The following ADGB variants were observed in gnomAD, a reference collection of about 807,000 sequenced individuals.
ADGB encodes the protein androglobin.
In ADGB, 172 loss-of-function variants were observed where a neutral mutation model predicts 210.5. The observed-to-expected ratio is 0.82, with a 90% CI of 0.72 to 0.93. The LOEUF is 0.93. ADGB is among the 40% of genes least tolerant of loss of function. The pLI is 0.00. For synonymous variants in ADGB, 658 were observed against 662.7 expected (o/e 0.99, Z 0.11); for missense variants, 2,025 against 1,964.8 (o/e 1.03, Z -0.58).
At position 146,598,994 on chromosome 6, in the gene ADGB, G is replaced by T. The variant is rs751316404; in HGVS notation, c.-47G>T. On this transcript the variant is annotated 5_prime_UTR_variant, in exon 1 of 36. Transcript: ENST00000397944. ...CGCAGACGCGGAGCCGAGCGCGCCCGCAGGCTCTTTGCTCAGAGCTCAGCC... is the reference window on the plus strand; with the variant it reads ...CGCAGACGCGGAGCCGAGCGCGCCCTCAGGCTCTTTGCTCAGAGCTCAGCC... 4.0e-6 allele frequency: 6 copies of T among 1,512,090 alleles called. No homozygotes were observed. Among genetic ancestry groups the T allele is most frequent in the Non-Finnish European group, 5.4e-6 (6 of 1,111,854 alleles). The allele number at this position is 1,512,090 out of a possible 1,614,324, so 93.7% of individuals were successfully genotyped here. A position where few individuals can be genotyped will look rare whatever the true frequency, so the allele number is the denominator to read the frequency against.
At chr6:146,807,996 T>TG (rs1778238268) in intron 35 of ADGB, among the ~76,000 whole-genome samples, 4 of 144,490 alleles carry the variant, frequency 2.8e-5, no homozygotes, top group Non-Finnish European at 6.1e-5. Flanking sequence ...GCTTCAGTTT[T>TG]TTTTTTTTTT....
intron 1 of ADGB, among the ~76,000 whole-genome samples, chr6:146,627,000 G>A (rs1307142258): frequency 6.6e-6 from 1 of 151,736 alleles, no homozygotes; most frequent in Admixed American, 6.6e-5. Flanking sequence ...CACCTACAAT[G>A]TCTAATCCAC....
intron 1 of ADGB, among the ~76,000 whole-genome samples, chr6:146,620,875 G>C (rs568144877): frequency 2.6e-5 from 4 of 152,146 alleles, no homozygotes; most frequent in Non-Finnish European, 4.4e-5. Flanking sequence ...CTCTTATGTT[G>C]ATTCCTGAGC....
chr6:146,634,603 T>C (rs1172677456), intron 1 of ADGB, among the ~76,000 whole-genome samples: 1 of 152,098 alleles, frequency 6.6e-6, no homozygotes, highest in Non-Finnish European at 1.5e-5. Flanking sequence ...AATACACATA[T>C]ATTTAAAGTA....
At chr6:146,788,301 C>T in intron 32 of ADGB, 88 bp from the exon 33 acceptor site, 1 of 1,189,254 alleles carries the variant, frequency 8.4e-7, no homozygotes, top group Non-Finnish European at 1.2e-6. Flanking sequence ...TGCTCTAAAT[C>T]TGTGCTCCCA....
intron 13 of ADGB, among the ~76,000 whole-genome samples, chr6:146,704,682 T>C (rs1318305477): frequency 6.6e-6 from 1 of 152,142 alleles, no homozygotes; most frequent in Non-Finnish European, 1.5e-5. Flanking sequence ...TGGGTTACTA[T>C]AGCTTTGTAG....
At chr6:146,781,303 A>G (rs1160847816) in intron 29 of ADGB, among the ~76,000 whole-genome samples, 2 of 151,564 alleles carry the variant, frequency 1.3e-5, no homozygotes, top group Admixed American at 1.3e-4. Flanking sequence ...AGATTGTGCC[A>G]CTGCACTCCA....
intron 29 of ADGB, chr6:146,770,601 T>G (rs1247187789): frequency 2.1e-6 from 1 of 470,434 alleles, no homozygotes; most frequent in South Asian, 1.6e-5. Flanking sequence ...GCCACACCAG[T>G]GACCTCAGGT....
intron 19 of ADGB, among the ~76,000 whole-genome samples, chr6:146,726,780 T>G (rs1342130265): frequency 6.6e-6 from 1 of 152,194 alleles, no homozygotes; most frequent in Non-Finnish European, 1.5e-5. Context: ...CTTAGTTAGA[T>G]CCCATGGCAT....
At chr6:146,701,997 T>C (rs1025056015) in intron 13 of ADGB, among the ~76,000 whole-genome samples, 1 of 151,994 alleles carries the variant, frequency 6.6e-6, no homozygotes, top group Admixed American at 6.6e-5. Flanking sequence ...GGTCAGTTAT[T>C]GCTCTCAACA....
intron 35 of ADGB, among the ~76,000 whole-genome samples, chr6:146,804,601 C>A (rs966259723): frequency 3.9e-5 from 6 of 152,180 alleles, no homozygotes; most frequent in African/African-American, 1.4e-4. Context: ...ATTGTCAGAA[C>A]CTCTCGACTC....
At chr6:146,758,324 A>G (rs945630179) in intron 27 of ADGB, among the ~76,000 whole-genome samples, 1 of 152,020 alleles carries the variant, frequency 6.6e-6, no homozygotes, top group African/African-American at 2.4e-5. Context: ...CTCAATTCCA[A>G]AATCTTAGTG....
intron 10 of ADGB, among the ~76,000 whole-genome samples, chr6:146,689,567 T>G (rs1001625980): frequency 2.0e-5 from 3 of 152,070 alleles, no homozygotes; most frequent in African/African-American, 4.8e-5. Flanking sequence ...AAAAAAAAAG[T>G]GTTTTTAGAC....
chr6:146,782,242 G>A (rs756032061), intron 30 of ADGB, 50 bp downstream of exon 30: 23 of 1,421,156 alleles, frequency 1.6e-5, no homozygotes, highest in Non-Finnish European at 2.1e-5. Context: ...TTTAGGTTCA[G>A]TGGATTCCTA....
At chr6:146,602,102 C>T (rs1245354193) in intron 1 of ADGB, among the ~76,000 whole-genome samples, 1 of 152,104 alleles carries the variant, frequency 6.6e-6, no homozygotes, top group African/African-American at 2.4e-5. Context: ...TTAGATTAAA[C>T]AATTTCTATT....
intron 2 of ADGB, among the ~76,000 whole-genome samples, chr6:146,643,407 G>A (rs995785787): frequency 6.6e-6 from 1 of 151,610 alleles, no homozygotes; most frequent in Non-Finnish European, 1.5e-5. Context: ...AAACTTAGTC[G>A]CTCTTTTTCC....
chr6:146,748,251 T>G (rs1777270345), intron 26 of ADGB, among the ~76,000 whole-genome samples: 1 of 152,084 alleles, frequency 6.6e-6, no homozygotes, highest in South Asian at 2.1e-4. Flanking sequence ...AGGTAAAAGC[T>G]TTGAAATAAA....
intron 27 of ADGB, among the ~76,000 whole-genome samples, chr6:146,756,098 T>C (rs1777403270): frequency 6.6e-6 from 1 of 152,040 alleles, no homozygotes; most frequent in Non-Finnish European, 1.5e-5. Flanking sequence ...AACAGATCAC[T>C]GCAAATTGTT....
Position 146,700,760 on chromosome 6 carries a change from G to A in ADGB, c.1578-181G>A, listed in dbSNP as rs1412680359. On this transcript the variant is annotated intron_variant, in intron 12 of 35. Coordinates refer to ENST00000397944, the MANE Select transcript of ADGB (RefSeq NM_024694.4). ...TGACTAATATACAGTATTTTTAGTA[G>A]CATAGAAAGATATCCAATGTTTTAA... Among the ~76,000 whole-genome samples the A allele has an allele frequency of 2.0e-5, 3 of 152,098 alleles. No homozygotes were observed. In the East Asian group the frequency reaches 5.8e-4, roughly 29 times the overall value.
Sources: gnomAD v4.1 joint callset for allele counts (sites outside exome capture counted in the v4.1 genomes callset) on GRCh38, gnomAD v4.1.1 for gene constraint, MANE v1.5 for transcripts, NCBI Gene and HGNC (gene_info 2026-07-23, HGNC 2026-07-21) for gene names.